Variants in ROBO2 observed in about 807,000 individuals in gnomAD.
ROBO2 encodes roundabout guidance receptor 2.
In ROBO2, 53 loss-of-function variants were observed where a neutral mutation model predicts 160.8. The ratio of observed to expected loss-of-function variants is 0.33; its 90% CI spans 0.26 to 0.41. The LOEUF is 0.41. Ranked by LOEUF, ROBO2 falls within the 10% of genes least tolerant of loss-of-function variation. ROBO2 has a pLI of 1.00. For missense variants in ROBO2, 1,577 were observed against 1,722.4 expected, an observed-to-expected ratio of 0.92 and a Z score of 1.49; for synonymous variants, 664 against 611.7, an observed-to-expected ratio of 1.09 and a Z score of -1.26.
intron 8 of ROBO2, among the ~76,000 whole-genome samples, chr3:77,552,280 A>G (rs1379121942): frequency 6.6e-6 from 1 of 152,054 alleles, no homozygotes; most frequent in Non-Finnish European, 1.5e-5. Flanking sequence ...ACCAAATGTA[A>G]TGCTTAAGAT....
At chr3:77,545,628 G>A (rs1437428143) in intron 6 of ROBO2, among the ~76,000 whole-genome samples, 2 of 151,898 alleles carry the variant, frequency 1.3e-5, no homozygotes, top group Non-Finnish European at 2.9e-5. Context: ...CTCTTTGATG[G>A]CTTCAGGATA....
At chr3:76,192,854 C>T (rs7644554) in intron 2 of ROBO2, among the ~76,000 whole-genome samples, 148,429 of 152,198 alleles carry the variant, frequency 0.98, 72,486 homozygotes, top group East Asian at 1. Flanking sequence ...GCCAAGTGTT[C>T]ACAAGAGCTG....
At chr3:76,451,201 T>C (rs1207246860) in intron 2 of ROBO2, among the ~76,000 whole-genome samples, 1 of 152,170 alleles carries the variant, frequency 6.6e-6, no homozygotes, top group South Asian at 2.1e-4. Flanking sequence ...ACTCTTCCAG[T>C]TGCAAGACAA....
At chr3:76,841,316 C>T (rs2068236818) in intron 2 of ROBO2, among the ~76,000 whole-genome samples, 1 of 152,134 alleles carries the variant, frequency 6.6e-6, no homozygotes, top group South Asian at 2.1e-4. Flanking sequence ...TTCTAGCTCT[C>T]CACGATTTCC....
At chr3:77,467,420 A>G (rs1490063333) in intron 2 of ROBO2, among the ~76,000 whole-genome samples, 2 of 152,142 alleles carry the variant, frequency 1.3e-5, no homozygotes, top group Non-Finnish European at 2.9e-5. Context: ...CCTGTAACAC[A>G]CCTACCTGGT....
chr3:77,318,867 AATATT>A (rs2064353216), intron 2 of ROBO2, among the ~76,000 whole-genome samples: 1 of 152,174 alleles, frequency 6.6e-6, no homozygotes, highest in Non-Finnish European at 1.5e-5. Flanking sequence ...ATGTCAAGGT[AATATT>A]ATTTATGAAG....
intron 1 of ROBO2, among the ~76,000 whole-genome samples, chr3:77,078,771 C>T (rs1157008159): frequency 6.6e-6 from 1 of 152,074 alleles, no homozygotes; most frequent in Non-Finnish European, 1.5e-5. Context: ...AGAAATGGAT[C>T]AGGGCCTCCC....
At chr3:77,296,813 A>C (rs945017653) in intron 2 of ROBO2, among the ~76,000 whole-genome samples, 11 of 152,258 alleles carry the variant, frequency 7.2e-5, no homozygotes, top group African/African-American at 2.4e-4. Flanking sequence ...GAGACTGAAT[A>C]GCTGGCCAAG....
chr3:76,368,390 ATT>A (rs767357339), intron 2 of ROBO2, among the ~76,000 whole-genome samples: 1 of 151,764 alleles, frequency 6.6e-6, no homozygotes, highest in Non-Finnish European at 1.5e-5. Flanking sequence ...CAGCTGGGTG[ATT>A]TTTTTTACTC....
chr3:76,431,300 C>A (rs982960734), intron 2 of ROBO2, among the ~76,000 whole-genome samples: 7 of 151,984 alleles, frequency 4.6e-5, no homozygotes, highest in African/African-American at 1.7e-4. Context: ...TTTTTGCAAT[C>A]TTTTAAAAAA....
chr3:76,087,828 A>C (rs1407902563), intron 2 of ROBO2, among the ~76,000 whole-genome samples: 1 of 152,046 alleles, frequency 6.6e-6, no homozygotes, highest in East Asian at 1.9e-4. Flanking sequence ...GCATTGTTTT[A>C]AAGTGCATTT....
intron 2 of ROBO2, among the ~76,000 whole-genome samples, chr3:77,190,900 G>A (rs963260805): frequency 6.6e-6 from 1 of 151,916 alleles, no homozygotes; most frequent in African/African-American, 2.4e-5. Context: ...TTTAAAAGGT[G>A]AATAGTCCTG....
At chr3:76,828,654 A>G (rs943348806) in intron 2 of ROBO2, among the ~76,000 whole-genome samples, 1 of 152,142 alleles carries the variant, frequency 6.6e-6, no homozygotes, top group Non-Finnish European at 1.5e-5. Context: ...TTAAAGCATC[A>G]TAAAATATTC....
chr3:77,417,376 G>A (rs908877771), intron 2 of ROBO2, among the ~76,000 whole-genome samples: 3 of 152,012 alleles, frequency 2.0e-5, no homozygotes, highest in Non-Finnish European at 4.4e-5. Flanking sequence ...ATGGTTAGGA[G>A]GATGTGATTA....
At chr3:76,502,618 T>A (rs2080524945) in intron 2 of ROBO2, among the ~76,000 whole-genome samples, 1 of 152,186 alleles carries the variant, frequency 6.6e-6, no homozygotes, top group African/African-American at 2.4e-5. Flanking sequence ...AGTGTACGTA[T>A]TTATGGGCTT....
intron 2 of ROBO2, among the ~76,000 whole-genome samples, chr3:76,965,986 G>T (rs532672303): frequency 6.9e-6 from 1 of 145,716 alleles, no homozygotes; most frequent in East Asian, 2.0e-4. Flanking sequence ...GCAATGGCGC[G>T]ATCTTGGCTC....
At chr3:76,210,992 G>T (rs536092472) in intron 2 of ROBO2, among the ~76,000 whole-genome samples, 1 of 152,178 alleles carries the variant, frequency 6.6e-6, no homozygotes, top group East Asian at 1.9e-4. Context: ...TTAACTTGGA[G>T]AGGTTAAAGT....
intron 23 of ROBO2, among the ~76,000 whole-genome samples, chr3:77,623,966 A>T (rs1019094826): frequency 6.6e-6 from 1 of 152,226 alleles, no homozygotes; most frequent in Non-Finnish European, 1.5e-5. Context: ...CACCTGTGAC[A>T]TGTTAGGCTG....
At chr3:76,693,483 G>A (rs200687619) in intron 2 of ROBO2, among the ~76,000 whole-genome samples, 1,204 of 97,440 alleles carry the variant, frequency 0.012, 22 homozygotes, top group African/African-American at 0.065. Flanking sequence ...TTGTGTGTGT[G>A]TGTATATATA....
Sources: gnomAD v4.1 joint callset for allele counts (sites outside exome capture counted in the v4.1 genomes callset) on GRCh38, gnomAD v4.1.1 for gene constraint, MANE v1.5 for transcripts, NCBI Gene and HGNC (gene_info 2026-07-23, HGNC 2026-07-21) for gene names.